Variants in ADK observed in about 807,000 individuals in gnomAD.
ADK encodes N6,N6-dimethyladenosine kinase.
Under a neutral mutation model 44.7 loss-of-function variants are expected in ADK, and 24 were observed. The ratio of observed to expected loss-of-function variants is 0.54; its 90% CI spans 0.39 to 0.76. ADK has a LOEUF of 0.76. Among genes scored for constraint, ADK ranks in the 30% least tolerant of loss-of-function variants. ADK has a pLI of 0.00. For synonymous variants in ADK, 128 were observed against 142.6 expected (o/e 0.90, Z 0.73); for missense variants, 321 against 425.1 (o/e 0.76, Z 2.15).
Position 74,308,587 on chromosome 10 carries a change from A to C in ADK, c.195-6080A>C, listed in dbSNP as rs190314742. On this transcript the variant is annotated intron_variant, in intron 3 of 10. Transcript: ENST00000539909. Reference sequence around the variant, plus strand: ...AAGTATAACCTGTTTAGAATGACTTATGTTTTTAATTATTTGTTTAGATGA... The same window carrying C: ...AAGTATAACCTGTTTAGAATGACTTCTGTTTTTAATTATTTGTTTAGATGA... Among the ~76,000 whole-genome samples, 325 of 152,282 alleles carry C rather than the reference A, an allele frequency of 2.1e-3. 5 individuals carry two copies. Among genetic ancestry groups the C allele is most frequent in the Admixed American group, 0.021 (319 of 15,276 alleles).
intron 3 of ADK, among the ~76,000 whole-genome samples, chr10:74,261,274 C>T (rs1846028172): frequency 6.6e-6 from 1 of 152,036 alleles, no homozygotes; most frequent in African/African-American, 2.4e-5. Flanking sequence ...CTAATCTCCC[C>T]CCTCAGTGTT....
chr10:74,343,143 G>A (rs1287957120), intron 4 of ADK, among the ~76,000 whole-genome samples: 1 of 152,060 alleles, frequency 6.6e-6, no homozygotes, highest in East Asian at 1.9e-4. Flanking sequence ...ATCAGATTGA[G>A]GAAGTTACTT....
intron 10 of ADK, among the ~76,000 whole-genome samples, chr10:74,683,493 A>G (rs1855688674): frequency 6.6e-6 from 1 of 152,230 alleles, no homozygotes; most frequent in Admixed American, 6.5e-5. Flanking sequence ...TGTTTCATTA[A>G]TAGAAAGAAG....
chr10:74,216,780 T>C (rs1392722961), intron 2 of ADK, among the ~76,000 whole-genome samples: 1 of 152,018 alleles, frequency 6.6e-6, no homozygotes, highest in African/African-American at 2.4e-5. Context: ...TCATTCCTTG[T>C]TTAACACTTA....
intron 4 of ADK, among the ~76,000 whole-genome samples, chr10:74,370,682 G>A (rs771604757): frequency 4.5e-4 from 69 of 151,798 alleles, no homozygotes; most frequent in Non-Finnish European, 8.5e-4. Flanking sequence ...TTATGATAGA[G>A]TATTTAAAAT....
rs138079203 is a variant in ADK at position 74,696,390 on chromosome 10, C to T, written c.965-11931C>T. ...TTTTTGTTTTTGTTTTTTTTTGAAACGAACTCGTTCTGTCACCCAGGCTGG... is the reference window on the plus strand; with the variant it reads ...TTTTTGTTTTTGTTTTTTTTTGAAATGAACTCGTTCTGTCACCCAGGCTGG... On this transcript the variant is annotated intron_variant, in intron 10 of 10. Transcript: ENST00000539909. Among the ~76,000 whole-genome samples the T allele has an allele frequency of 4.5e-4, 67 of 149,960 alleles. No homozygotes were observed. The East Asian group carries it at 0.011, about 25-fold the overall frequency.
chr10:74,280,208 T>G (rs897790335), intron 3 of ADK, among the ~76,000 whole-genome samples: 1 of 152,106 alleles, frequency 6.6e-6, no homozygotes, highest in Non-Finnish European at 1.5e-5. Flanking sequence ...CCTCAAGCGA[T>G]TCTCCTGCCT....
chr10:74,402,853 C>T (rs943673408), intron 6 of ADK, among the ~76,000 whole-genome samples: 1 of 152,198 alleles, frequency 6.6e-6, no homozygotes, highest in African/African-American at 2.4e-5. Context: ...GTCAGCTTTT[C>T]TCCTCTGGTT....
intron 7 of ADK, among the ~76,000 whole-genome samples, chr10:74,559,466 A>G (rs939843029): frequency 2.6e-5 from 4 of 152,078 alleles, no homozygotes; most frequent in Non-Finnish European, 5.9e-5. Context: ...GAAAGCTTTT[A>G]TGTTGTTTTC....
At chr10:74,588,260 T>G (rs983523111) in intron 7 of ADK, among the ~76,000 whole-genome samples, 1 of 152,202 alleles carries the variant, frequency 6.6e-6, no homozygotes, top group African/African-American at 2.4e-5. Context: ...AAAATCAAAC[T>G]GATAATTCCT....
At position 74,406,180 on chromosome 10, in the gene ADK, C is replaced by T. The variant is rs12570624; in HGVS notation, c.555+7601C>T. Among the ~76,000 whole-genome samples the T allele has an allele frequency of 3.1e-3, 479 of 152,186 alleles. 7 individuals carry two copies. Among genetic ancestry groups the T allele is most frequent in the East Asian group, 0.018 (93 of 5,176 alleles). On this transcript the variant is annotated intron_variant, in intron 6 of 10. Coordinates refer to ENST00000539909, the MANE Select transcript of ADK (RefSeq NM_006721.4). ...TCTTGATGTCCAGTGTATTAAAAAC[C>T]ATTGTTTCTAGTTTTGCTATTGTTG...
At chr10:74,340,963 C>T (rs1277586604) in intron 4 of ADK, among the ~76,000 whole-genome samples, 2 of 152,066 alleles carry the variant, frequency 1.3e-5, no homozygotes, top group Non-Finnish European at 2.9e-5. Context: ...TATGAAAATA[C>T]TTCTTAATGA....
chr10:74,439,946 T>G (rs1449443688), intron 6 of ADK, among the ~76,000 whole-genome samples: 2 of 152,008 alleles, frequency 1.3e-5, no homozygotes, highest in Non-Finnish European at 2.9e-5. Context: ...TCCTTACAAC[T>G]TATAATGTAG....
intron 2 of ADK, among the ~76,000 whole-genome samples, chr10:74,208,096 C>T (rs928696897): frequency 3.3e-5 from 5 of 152,248 alleles, no homozygotes; most frequent in African/African-American, 9.6e-5. Context: ...CGACTTTGCT[C>T]CACCCTGGAG....
intron 4 of ADK, among the ~76,000 whole-genome samples, chr10:74,333,137 C>T (rs1401108403): frequency 2.6e-5 from 4 of 151,930 alleles, no homozygotes; most frequent in African/African-American, 7.3e-5. Flanking sequence ...AAATTGAAAT[C>T]GTCTATTTTT....
chr10:74,498,034 C>T (rs1564755454), intron 6 of ADK, among the ~76,000 whole-genome samples: 2 of 152,062 alleles, frequency 1.3e-5, no homozygotes, highest in Non-Finnish European at 2.9e-5. Context: ...GGACTACAGG[C>T]ACCTGCCACC....
rs556543238 is a variant in ADK, at chr10:74,277,620, C to T, written c.195-37047C>T. Among the ~76,000 whole-genome samples the T allele has an allele frequency of 1.3e-4, 20 of 152,096 alleles. No individual in the cohort carries two copies. In the South Asian group the frequency reaches 3.3e-3, roughly 25 times the overall value. Reference sequence around the variant, plus strand: ...TTCACCATGTTAGCCCGGATGGTCTCGATCTCCTGACCTCGTGATCCACCT... The same window carrying T: ...TTCACCATGTTAGCCCGGATGGTCTTGATCTCCTGACCTCGTGATCCACCT... On this transcript the variant is annotated intron_variant, in intron 3 of 10. Coordinates refer to ENST00000539909, the MANE Select transcript of ADK (RefSeq NM_006721.4).
intron 6 of ADK, among the ~76,000 whole-genome samples, chr10:74,445,386 G>A (rs1016247556): frequency 2.0e-5 from 3 of 151,668 alleles, no homozygotes; most frequent in Non-Finnish European, 4.4e-5. Flanking sequence ...TAACTAAGTG[G>A]CAATTATTAT....
chr10:74,708,472 G>A lies in ADK; in HGVS notation c.*27G>A. 6.2e-7 allele frequency: 1 copy of A among 1,606,480 alleles called. No individual in the cohort carries two copies. Among genetic ancestry groups the A allele is most frequent in the Non-Finnish European group, 8.5e-7 (1 of 1,177,648 alleles). ...GGAAGAGCTGAAAACACAAGCCCAGGAGTGCAGACACTGCCCTAATTGCTT... is the reference window on the plus strand; with the variant it reads ...GGAAGAGCTGAAAACACAAGCCCAGAAGTGCAGACACTGCCCTAATTGCTT... On this transcript the variant is annotated 3_prime_UTR_variant, in exon 11 of 11. Transcript: ENST00000539909.
Sources: gnomAD v4.1 joint callset for allele counts (sites outside exome capture counted in the v4.1 genomes callset) on GRCh38, gnomAD v4.1.1 for gene constraint, MANE v1.5 for transcripts, NCBI Gene and HGNC (gene_info 2026-07-23, HGNC 2026-07-21) for gene names.